The following TAS2R1 variants were observed in gnomAD, a reference collection of about 807,000 sequenced individuals.
TAS2R1 encodes the protein taste 2 receptor member 1.
For missense variants in TAS2R1, 370 were observed against 353.4 expected (o/e 1.05, Z -0.38); for synonymous variants, 141 against 134.2 (o/e 1.05, Z -0.35).
chr5:9,691,062 G>C (rs1467722632), intron 1 of TAS2R1, among the ~76,000 whole-genome samples: 2 of 152,156 alleles, frequency 1.3e-5, no homozygotes, highest in African/African-American at 4.8e-5. Flanking sequence ...TATGTCCACC[G>C]CCTAATATGC....
At chr5:9,856,449 C>T in the TAS2R1 span, among the ~76,000 whole-genome samples, 3,780 of 152,278 alleles carry the variant, frequency 0.025, 147 homozygotes, top group African/African-American at 0.082. Context: ...TCTCTCACAT[C>T]TTTGCAGGAG....
At chr5:9,878,320 C>T in the TAS2R1 span, among the ~76,000 whole-genome samples, 3 of 152,314 alleles carry the variant, frequency 2.0e-5, no homozygotes, top group South Asian at 2.1e-4. Flanking sequence ...CCTCCCCACA[C>T]TTAGCACCCC....
At chr5:9,747,856 C>A in the TAS2R1 span, among the ~76,000 whole-genome samples, 2 of 150,002 alleles carry the variant, frequency 1.3e-5, no homozygotes, top group African/African-American at 2.4e-5. Flanking sequence ...TCTGGAGAGG[C>A]CAGTAAAGAG....
intron 1 of TAS2R1, among the ~76,000 whole-genome samples, chr5:9,709,742 A>G (rs1741693762): frequency 6.6e-6 from 1 of 152,200 alleles, no homozygotes; most frequent in Non-Finnish European, 1.5e-5. Context: ...TCCCCACCCA[A>G]GTCAAGCCCT....
chr5:9,629,108 T>G lies in TAS2R1; in HGVS notation c.*25A>C. On this transcript the variant is annotated 3_prime_UTR_variant, in exon 1 of 1. Transcript: ENST00000382492. ...ATGGGTAAATCATTGAATCATGGGTTCTTTGAACTGATCCAACTTCTCTCT... is the reference window on the plus strand; with the variant it reads ...ATGGGTAAATCATTGAATCATGGGTGCTTTGAACTGATCCAACTTCTCTCT... 1 of 1,524,284 alleles carries G rather than the reference T, an allele frequency of 6.6e-7. No homozygotes were observed. Among genetic ancestry groups the G allele is most frequent in the Non-Finnish European group, 8.8e-7 (1 of 1,139,534 alleles). 94.4% of individuals were successfully genotyped at this position (1,524,284 alleles called of 1,614,324 possible). A position where few individuals can be genotyped will look rare whatever the true frequency, so the allele number is the denominator to read the frequency against.
chr5:9,710,750 A>G (rs1741714981), intron 1 of TAS2R1, among the ~76,000 whole-genome samples: 1 of 151,704 alleles, frequency 6.6e-6, no homozygotes, highest in Non-Finnish European at 1.5e-5. Context: ...TATTCCTCCA[A>G]AGAATACATA....
chr5:9,795,799 A>G, the TAS2R1 span, among the ~76,000 whole-genome samples: 1 of 152,188 alleles, frequency 6.6e-6, no homozygotes, highest in Admixed American at 6.5e-5. Context: ...GCTTTGGAGC[A>G]GCCCTTGAAT....
intron 1 of TAS2R1, among the ~76,000 whole-genome samples, chr5:9,662,965 T>C (rs1179448984): frequency 1.3e-5 from 2 of 151,654 alleles, no homozygotes; most frequent in African/African-American, 4.8e-5. Context: ...TATCATTTCT[T>C]TGTAATTCAA....
chr5:9,873,262 G>C, the TAS2R1 span, among the ~76,000 whole-genome samples: 1 of 152,012 alleles, frequency 6.6e-6, no homozygotes, highest in African/African-American at 2.4e-5. Context: ...CCCTCTCTAC[G>C]ACGGGCCCTG....
At chr5:9,858,768 T>TA in the TAS2R1 span, among the ~76,000 whole-genome samples, 1,598 of 152,326 alleles carry the variant, frequency 0.01, 20 homozygotes, top group African/African-American at 0.037. Flanking sequence ...GTGCTTTCTT[T>TA]AAAAGTGTTC....
chr5:9,751,550 A>G, the TAS2R1 span, among the ~76,000 whole-genome samples: 1 of 152,166 alleles, frequency 6.6e-6, no homozygotes, highest in Admixed American at 6.5e-5. Context: ...TCTGTTATAA[A>G]TGATTCCTTC....
the TAS2R1 span, among the ~76,000 whole-genome samples, chr5:9,726,399 C>T: frequency 2.6e-5 from 4 of 152,122 alleles, no homozygotes; most frequent in Non-Finnish European, 5.9e-5. Context: ...GTGGGTGAGG[C>T]CAGATAAGAG....
the TAS2R1 span, among the ~76,000 whole-genome samples, chr5:9,878,326 AC>A: frequency 6.6e-6 from 1 of 152,052 alleles, no homozygotes; most frequent in South Asian, 2.1e-4. Context: ...CACACTTAGC[AC>A]CCCCGCCCAG....
At chr5:9,813,336 C>A in the TAS2R1 span, among the ~76,000 whole-genome samples, 1 of 152,188 alleles carries the variant, frequency 6.6e-6, no homozygotes, top group Non-Finnish European at 1.5e-5. Context: ...TTGTTTAATC[C>A]ATCAGTCTCT....
At chr5:9,667,580 A>C (rs923647412) in intron 1 of TAS2R1, among the ~76,000 whole-genome samples, 3 of 152,220 alleles carry the variant, frequency 2.0e-5, no homozygotes, top group African/African-American at 7.2e-5. Flanking sequence ...CCTGTCTGCC[A>C]GCTTTGGCCC....
the TAS2R1 span, among the ~76,000 whole-genome samples, chr5:9,719,045 T>A: frequency 6.6e-6 from 1 of 152,188 alleles, no homozygotes; most frequent in Non-Finnish European, 1.5e-5. Flanking sequence ...ACTGACAAAA[T>A]TAGAATATGG....
At chr5:9,884,473 T>TA in the TAS2R1 span, among the ~76,000 whole-genome samples, 3,334 of 108,278 alleles carry the variant, frequency 0.031, 45 homozygotes, top group Non-Finnish European at 0.039. Context: ...GACTCTGACT[T>TA]AAAAAAAAAA....
intron 2 of TAS2R1, among the ~76,000 whole-genome samples, chr5:9,644,862 G>A (rs570484094): frequency 6.6e-6 from 1 of 152,258 alleles, no homozygotes; most frequent in Middle Eastern, 3.4e-3. Context: ...GAAAGCAATT[G>A]TGGAACTAGT....
At chr5:9,738,477 C>A in the TAS2R1 span, among the ~76,000 whole-genome samples, 43 of 152,220 alleles carry the variant, frequency 2.8e-4, no homozygotes, top group African/African-American at 1.0e-3. Flanking sequence ...ACTTTGAGTC[C>A]CAAAAGGCAA....
Sources: gnomAD v4.1 joint callset for allele counts (sites outside exome capture counted in the v4.1 genomes callset) on GRCh38, gnomAD v4.1.1 for gene constraint, MANE v1.5 for transcripts, NCBI Gene and HGNC (gene_info 2026-07-23, HGNC 2026-07-21) for gene names.